Variants in PTP4A3 observed in about 807,000 individuals in gnomAD.
PTP4A3 encodes protein tyrosine phosphatase type IVA 3.
Under a neutral mutation model 15.2 loss-of-function variants are expected in PTP4A3, and 9 were observed. The ratio of observed to expected loss-of-function variants is 0.59; its 90% CI spans 0.36 to 1.03. The LOEUF (loss-of-function observed/expected upper bound fraction) is 1.03, where lower values mean the gene tolerates loss of function less well. Among genes scored for constraint, PTP4A3 ranks in the 50% least tolerant of loss-of-function variants. The pLI is 0.02. For synonymous variants in PTP4A3, 95 were observed against 102.0 expected (o/e 0.93, Z 0.41); for missense variants, 234 against 252.1 (o/e 0.93, Z 0.49).
At position 141,406,737 on chromosome 8, in the gene PTP4A3, G is replaced by A. The variant is rs1318152051; in HGVS notation, c.-853-14651G>A. Among the ~76,000 whole-genome samples, 4 of 152,250 alleles carry A rather than the reference G, an allele frequency of 2.6e-5. No individual in the cohort carries two copies. Among genetic ancestry groups the A allele is most frequent in the South Asian group, 2.1e-4 (1 of 4,816 alleles). ...GTTGCCTGCATGCCACCGACAGCCC[G>A]CCTCTTCTTTCCATCTTAATCCATC... On this transcript the variant is annotated intron_variant, in intron 1 of 5. Transcript: ENST00000521578. This position sits in a 1 kb window ranked among gnomAD's most constrained non-coding sequence, Gnocchi z 4.5.
At chr8:141,405,188 G>C (rs1370716576) in intron 1 of PTP4A3, among the ~76,000 whole-genome samples, 2 of 152,194 alleles carry the variant, frequency 1.3e-5, no homozygotes, top group African/African-American at 4.8e-5. Context: ...TGGCCCCCTG[G>C]TGAGGGAGCA....
intron 5 of PTP4A3, among the ~76,000 whole-genome samples, chr8:141,428,330 G>A (rs138794159): frequency 0.032 from 4,525 of 142,920 alleles, 73 homozygotes; most frequent in East Asian, 0.049. Flanking sequence ...AGGCCAGCTC[G>A]CCTGCCCCAT....
chr8:141,416,564 G>A (rs1169763012), intron 1 of PTP4A3, among the ~76,000 whole-genome samples: 1 of 152,178 alleles, frequency 6.6e-6, no homozygotes, highest in Admixed American at 6.5e-5. Context: ...CTGGGCAGGA[G>A]TCAGAGCCTA....
chr8:141,413,534 C>T (rs984522544), intron 1 of PTP4A3, among the ~76,000 whole-genome samples: 3 of 152,198 alleles, frequency 2.0e-5, no homozygotes, highest in Admixed American at 1.3e-4. Context: ...TGGCTCTTAA[C>T]GGAAGCTGCT....
chr8:141,394,907 C>T (rs533494168), intron 1 of PTP4A3, among the ~76,000 whole-genome samples: 37 of 152,360 alleles, frequency 2.4e-4, no homozygotes, highest in Admixed American at 1.5e-3. Context: ...CGGCGCCCCG[C>T]GAGTTGGGTG....
intron 3 of PTP4A3, 172 bp from the exon 4 acceptor site, chr8:141,426,767 G>A: frequency 2.2e-6 from 2 of 918,066 alleles, no homozygotes; most frequent in South Asian, 1.0e-4. Flanking sequence ...TCACCATGGG[G>A]TGCCCATAGG....
chr8:141,403,117 C>G (rs1349228419), intron 1 of PTP4A3, among the ~76,000 whole-genome samples: 1 of 152,216 alleles, frequency 6.6e-6, no homozygotes, highest in Non-Finnish European at 1.5e-5. Context: ...CTCCCCAGGT[C>G]AGAGACGCAG....
intron 1 of PTP4A3, among the ~76,000 whole-genome samples, chr8:141,403,541 C>T (rs1832649653): frequency 6.6e-6 from 1 of 152,234 alleles, no homozygotes; most frequent in African/African-American, 2.4e-5. Context: ...TTTAAGGACA[C>T]TAGTGTTCCC....
Position 141,394,923 on chromosome 8 carries a change from G to T in PTP4A3, c.-854+2839G>T, listed in dbSNP as rs183251999. 2.3e-4 allele frequency among the ~76,000 whole-genome samples: 35 copies of T among 152,372 alleles called. No individual in the cohort carries two copies. In the East Asian group the frequency reaches 5.8e-3, roughly 25 times the overall value. ...GGCGCCCCGCGAGTTGGGTGTGTGC[G>T]GTTGGGGGCGGCCCAGAGTGTGCCC... On this transcript the variant is annotated intron_variant, in intron 1 of 5. Transcript: ENST00000521578.
chr8:141,421,426 G>T lies in PTP4A3; in HGVS notation c.-815G>T, dbSNP rs1048382619. 1 of 152,284 alleles carries T rather than the reference G, an allele frequency of 6.6e-6. No individual in the cohort carries two copies. Among genetic ancestry groups the T allele is most frequent in the East Asian group, 1.9e-4 (1 of 5,196 alleles). The allele number at this position is 152,284 out of a possible 1,614,324, so 9.4% of individuals were successfully genotyped here. A position where few individuals can be genotyped will look rare whatever the true frequency, so the allele number is the denominator to read the frequency against. ...TGGACCCACCTGGGGTTCATGGAGT[G>T]GGCCACGGGGCCCAGCCCTAAGCAC... is the stretch of plus-strand genomic sequence containing the variant. On this transcript the variant is annotated 5_prime_UTR_variant, in exon 2 of 6. Coordinates refer to ENST00000521578, the MANE Select transcript of PTP4A3 (RefSeq NM_032611.3).
Position 141,425,152 on chromosome 8 carries a change from G to C in PTP4A3, c.198+12G>C. The C allele has an allele frequency of 8.1e-7, 1 of 1,231,364 alleles. No individual in the cohort carries two copies. The highest frequency in any genetic ancestry group is 1.2e-5 in the South Asian group (1 of 84,784). 76.3% of individuals were successfully genotyped at this position (1,231,364 alleles called of 1,614,324 possible). ...GCATCACCGTTGTGGTGAGGCGCGC[G>C]CCACGGGGACCCTAGTCACTGCTGC... is the stretch of plus-strand genomic sequence containing the variant. On this transcript the variant is annotated intron_variant, in intron 3 of 5. Coordinates refer to ENST00000521578, the MANE Select transcript of PTP4A3 (RefSeq NM_032611.3). This position sits in a 1 kb window ranked among gnomAD's most constrained non-coding sequence, Gnocchi z 4.2.
chr8:141,416,551 G>A (rs1833061660), intron 1 of PTP4A3, among the ~76,000 whole-genome samples: 1 of 152,200 alleles, frequency 6.6e-6, no homozygotes, highest in Non-Finnish European at 1.5e-5. Flanking sequence ...TGAGCTGAGA[G>A]CACTGGGCAG....
chr8:141,404,385 T>G (rs1003081135), intron 1 of PTP4A3, among the ~76,000 whole-genome samples: 8 of 152,230 alleles, frequency 5.3e-5, no homozygotes, highest in African/African-American at 1.9e-4. Flanking sequence ...CTCATAGGAT[T>G]GGAGGGTCCA....
intron 1 of PTP4A3, among the ~76,000 whole-genome samples, chr8:141,415,882 T>C (rs1012520372): frequency 6.6e-6 from 1 of 151,190 alleles, no homozygotes; most frequent in Non-Finnish European, 1.5e-5. Context: ...GGCGTCCTAG[T>C]GCATCAAGCG....
rs1474201641 is a variant in PTP4A3, at chr8:141,406,173, T to G, written c.-854+14089T>G. ...GGGTATCCCAGATTCTTGGTGACCC[T>G]CGGTAGCCCCTCTGGGCGGTGGCTT... On this transcript the variant is annotated intron_variant, in intron 1 of 5. Transcript: ENST00000521578. This position sits in a 1 kb window ranked among gnomAD's most constrained non-coding sequence, Gnocchi z 4.5. Among the ~76,000 whole-genome samples the G allele has an allele frequency of 6.6e-6, 1 of 152,100 alleles. No individual in the cohort carries two copies. The highest frequency in any genetic ancestry group is 2.4e-5 in the African/African-American group (1 of 41,428).
chr8:141,398,336 C>T (rs541001104), intron 1 of PTP4A3, among the ~76,000 whole-genome samples: 1 of 152,340 alleles, frequency 6.6e-6, no homozygotes, highest in Non-Finnish European at 1.5e-5. Flanking sequence ...GCTTGAGGCA[C>T]AGCCTCCAAC....
chr8:141,423,380 C>T (rs914270837), intron 2 of PTP4A3, among the ~76,000 whole-genome samples: 1 of 152,216 alleles, frequency 6.6e-6, no homozygotes, highest in Non-Finnish European at 1.5e-5. Flanking sequence ...CAGAATATGA[C>T]TGGGATCAGG....
chr8:141,394,607 G>A (rs1337370120), intron 1 of PTP4A3, among the ~76,000 whole-genome samples: 2 of 152,294 alleles, frequency 1.3e-5, no homozygotes, highest in South Asian at 2.1e-4. Context: ...TTGCCCCTCC[G>A]TTTCCACACC....
chr8:141,423,318 A>G (rs1429974507), intron 2 of PTP4A3, among the ~76,000 whole-genome samples: 1 of 152,248 alleles, frequency 6.6e-6, no homozygotes, highest in Non-Finnish European at 1.5e-5. Flanking sequence ...TAACAGCAGC[A>G]TCTACAGAAA....
Sources: allele counts gnomAD v4.1 joint callset (sites outside exome capture counted in the v4.1 genomes callset), GRCh38; gene constraint gnomAD v4.1.1; non-coding constraint Gnocchi (gnomAD v3.1); transcripts MANE v1.5; gene names NCBI Gene and HGNC (gene_info 2026-07-23, HGNC 2026-07-21).